The following CDC42SE2 variants were observed in gnomAD, a reference collection of about 807,000 sequenced individuals.
The protein encoded by CDC42SE2 is CDC42 small effector 2.
CDC42SE2 carries 3 observed loss-of-function variants against 11.5 expected under a neutral mutation model. The observed-to-expected ratio is 0.26, with a 90% CI of 0.12 to 0.67. The LOEUF is 0.67. Among genes scored for constraint, CDC42SE2 ranks in the 30% least tolerant of loss-of-function variants. The pLI is 0.80. For synonymous variants in CDC42SE2, 33 were observed against 34.8 expected (o/e 0.95, Z 0.18); for missense variants, 82 against 106.8 (o/e 0.77, Z 1.02).
At chr5:131,325,857 A>G (rs189895659) in intron 2 of CDC42SE2, among the ~76,000 whole-genome samples, 35 of 152,006 alleles carry the variant, frequency 2.3e-4, no homozygotes, top group African/African-American at 6.5e-4. Flanking sequence ...TGCTTCTTCT[A>G]TTGTATTTGT....
At chr5:131,219,142 ATGT>A in the CDC42SE2 span, among the ~76,000 whole-genome samples, 4,210 of 152,316 alleles carry the variant, frequency 0.028, 139 homozygotes, top group African/African-American at 0.081. Context: ...TTATAAGAAA[ATGT>A]TGTACTAAAA....
intron 2 of CDC42SE2, among the ~76,000 whole-genome samples, chr5:131,321,555 A>T (rs1185446027): frequency 6.6e-6 from 1 of 152,202 alleles, no homozygotes; most frequent in African/African-American, 2.4e-5. Context: ...GGTGCCCGTG[A>T]TGTATAATGC....
chr5:131,286,393 T>TTG (rs1757341488), intron 1 of CDC42SE2, among the ~76,000 whole-genome samples: 2 of 149,570 alleles, frequency 1.3e-5, no homozygotes, highest in African/African-American at 4.9e-5. Flanking sequence ...CAGTTTTTTT[T>TTG]TTTTTTTTTT....
chr5:131,375,031 CTTTTTTTTT>C (rs371146670), intron 3 of CDC42SE2, among the ~76,000 whole-genome samples: 2 of 138,636 alleles, frequency 1.4e-5, no homozygotes, highest in Non-Finnish European at 3.1e-5. Context: ...TTCTCCCCTC[CTTTTTTTTT>C]TTTTTTTTAA....
chr5:131,334,837 C>G (rs1162772845), intron 2 of CDC42SE2, among the ~76,000 whole-genome samples: 3 of 152,026 alleles, frequency 2.0e-5, no homozygotes, highest in East Asian at 1.9e-4. Context: ...TTTATTGGGT[C>G]TATTTGATTC....
At chr5:131,332,508 G>A (rs1406633125) in intron 2 of CDC42SE2, among the ~76,000 whole-genome samples, 2 of 152,020 alleles carry the variant, frequency 1.3e-5, no homozygotes, top group African/African-American at 4.8e-5. Context: ...GGATCAAATG[G>A]TATTTCTAGT....
intron 4 of CDC42SE2, among the ~76,000 whole-genome samples, chr5:131,386,552 C>A (rs1447944112): frequency 6.6e-6 from 1 of 152,198 alleles, no homozygotes; most frequent in Non-Finnish European, 1.5e-5. Context: ...TATTCGCTGT[C>A]TTTTAATAGA....
chr5:131,342,388 C>CTTT lies in CDC42SE2; in HGVS notation c.-285-16804_-285-16802dup, dbSNP rs35818778. ...TCAGAGATTTGCCATTTTTAATAGTCTTTTTTTTTTTTTTTTTTTAAGATA... is the reference window on the plus strand; with the variant it reads ...TCAGAGATTTGCCATTTTTAATAGTCTTTTTTTTTTTTTTTTTTTTTTAAGATA... On this transcript the variant is annotated intron_variant, in intron 2 of 4. Coordinates refer to ENST00000505065, the MANE Select transcript of CDC42SE2 (RefSeq NM_001375635.1). Among the ~76,000 whole-genome samples, 351 of 111,298 alleles carry CTTT rather than the reference C, an allele frequency of 3.2e-3. 37 individuals are homozygous for CTTT. Among genetic ancestry groups the CTTT allele is most frequent in the African/African-American group, 0.014 (322 of 22,562 alleles). 73.0% of individuals were successfully genotyped at this position (111,298 alleles called of 152,430 possible). A position where few individuals can be genotyped will look rare whatever the true frequency, so the allele number is the denominator to read the frequency against.
In CDC42SE2 at chr5:131,393,177, A is replaced by AATT. The variant is rs370858151; in HGVS notation, c.*2088_*2090dup. 240 of 152,480 alleles carry AATT rather than the reference A, an allele frequency of 1.6e-3. 1 individual carries two copies. The highest frequency in any genetic ancestry group is 5.5e-3 in the African/African-American group (230 of 41,574). The allele number at this position is 152,480 out of a possible 1,614,324, so 9.4% of individuals were successfully genotyped here. A position where few individuals can be genotyped will look rare whatever the true frequency, so the allele number is the denominator to read the frequency against. On this transcript the variant is annotated 3_prime_UTR_variant, in exon 5 of 5. Coordinates refer to ENST00000505065, the MANE Select transcript of CDC42SE2 (RefSeq NM_001375635.1). ...ACATTTCATATAACAAATGGGGCTT[A>AATT]ATTAAAAACTTTAACTTGGAATAAA...
intron 1 of CDC42SE2, among the ~76,000 whole-genome samples, chr5:131,291,755 T>G (rs1175592391): frequency 6.6e-6 from 1 of 152,174 alleles, no homozygotes; most frequent in Non-Finnish European, 1.5e-5. Context: ...CAAATAACCC[T>G]TCAAAAATAC....
At chr5:131,316,232 C>T (rs530049508) in intron 2 of CDC42SE2, 88 bp downstream of exon 2, 6 of 152,438 alleles carry the variant, frequency 3.9e-5, no homozygotes, top group South Asian at 2.1e-4. Context: ...TTAGCATTTG[C>T]TGACATTAAT....
intron 1 of CDC42SE2, among the ~76,000 whole-genome samples, chr5:131,307,221 C>A (rs541115531): frequency 1.2e-4 from 14 of 119,376 alleles, no homozygotes; most frequent in Admixed American, 1.2e-3. Context: ...CCCCCCTCCC[C>A]CCACCCGACA....
the CDC42SE2 span, among the ~76,000 whole-genome samples, chr5:131,216,514 A>C: frequency 5.1e-4 from 76 of 149,254 alleles, no homozygotes; most frequent in South Asian, 0.012. Context: ...AAAAAAAAAA[A>C]AAAAAAAACA....
At chr5:131,292,895 A>C (rs1757487984) in intron 1 of CDC42SE2, among the ~76,000 whole-genome samples, 1 of 119,960 alleles carries the variant, frequency 8.3e-6, no homozygotes, top group Non-Finnish European at 1.7e-5. Flanking sequence ...TGACAGTGCG[A>C]GACCCTGTCT....
chr5:131,353,283 ATTT>A (rs34522192), intron 2 of CDC42SE2, among the ~76,000 whole-genome samples: 3 of 143,220 alleles, frequency 2.1e-5, no homozygotes, highest in Admixed American at 7.0e-5. Flanking sequence ...TTTATTAATA[ATTT>A]TTTTTTTTTT....
chr5:131,330,531 A>T (rs1271297331), intron 2 of CDC42SE2, among the ~76,000 whole-genome samples: 3 of 152,150 alleles, frequency 2.0e-5, no homozygotes, highest in African/African-American at 4.8e-5. Flanking sequence ...CACTTTTATA[A>T]TAATATTTTT....
At chr5:131,218,149 G>A in the CDC42SE2 span, among the ~76,000 whole-genome samples, 1 of 144,768 alleles carries the variant, frequency 6.9e-6, no homozygotes, top group Non-Finnish European at 1.5e-5. Flanking sequence ...TGCACTCCAG[G>A]CTGGGCAAAA....
Position 131,311,456 on chromosome 5 carries a change from G to A in CDC42SE2, c.-454-4520G>A, listed in dbSNP as rs555181193. On this transcript the variant is annotated intron_variant, in intron 1 of 4. Coordinates refer to ENST00000505065, the MANE Select transcript of CDC42SE2 (RefSeq NM_001375635.1). ...TCTTCTCAAGGAGTATCTTTGTGGC[G>A]TTCTCTGTATTTCCTGAATCTGAAC... is the stretch of plus-strand genomic sequence containing the variant. Among the ~76,000 whole-genome samples, 170 of 151,342 alleles carry A rather than the reference G, an allele frequency of 1.1e-3. 1 individual carries two copies. The highest frequency in any genetic ancestry group is 3.8e-3 in the African/African-American group (158 of 41,138).
chr5:131,388,468 G>A (rs778653996), intron 4 of CDC42SE2, among the ~76,000 whole-genome samples: 4 of 152,156 alleles, frequency 2.6e-5, no homozygotes, highest in Non-Finnish European at 5.9e-5. Flanking sequence ...GTGGCTTGAC[G>A]CATATGAAAC....
Sources: allele counts gnomAD v4.1 joint callset (sites outside exome capture counted in the v4.1 genomes callset), GRCh38; gene constraint gnomAD v4.1.1; transcripts MANE v1.5; gene names NCBI Gene and HGNC (gene_info 2026-07-23, HGNC 2026-07-21).